The following ARAP2 variants were observed in gnomAD, a reference collection of about 807,000 sequenced individuals.
ARAP2 encodes ArfGAP with RhoGAP domain, ankyrin repeat and PH domain 2.
In ARAP2, 148 loss-of-function variants were observed where a neutral mutation model predicts 194.5. The ratio of observed to expected loss-of-function variants is 0.76; its 90% confidence interval spans 0.67 to 0.87. ARAP2 has a LOEUF of 0.87. Among genes scored for constraint, ARAP2 ranks in the 40% least tolerant of loss-of-function variants. The pLI is 0.00. For synonymous variants in ARAP2, 695 were observed against 683.5 expected (o/e 1.02, Z -0.26); for missense variants, 2,128 against 1,989.7 (o/e 1.07, Z -1.32).
At chr4:36,074,265 G>C (rs1727720433) in intron 31 of ARAP2, among the ~76,000 whole-genome samples, 1 of 152,094 alleles carries the variant, frequency 6.6e-6, no homozygotes, top group Middle Eastern at 3.4e-3. Context: ...AGAAAAATTA[G>C]CCTAACTTTA....
intron 29 of ARAP2, 65 bp from the exon 30 acceptor site, chr4:36,082,351 A>C (rs1729778673): frequency 6.7e-7 from 1 of 1,483,666 alleles, no homozygotes; most frequent in Non-Finnish European, 9.2e-7. Context: ...GACAGAAAAC[A>C]GGATTAGATG....
In ARAP2 at chr4:36,210,631, A is replaced by C; in HGVS notation, c.1246T>G (p.Ser416Ala). 6.2e-7 allele frequency: 1 copy of C among 1,613,908 alleles called. No individual in the cohort carries two copies. The highest frequency in any genetic ancestry group is 8.5e-7 in the Non-Finnish European group (1 of 1,179,870). The change falls in exon 6 of 33, where the codon TCA becomes GCA. Residue 416 changes from serine (S) to alanine (A), a missense_variant. Physicochemically the swap from Ser to Ala is moderately conservative, Grantham distance 99 (BLOSUM62 1). Transcript: ENST00000303965. The part of the protein sequence containing the change: ...LIDTASESEY[S>A]TVEECFQSLR... ...CTCTGAAAGCATTCTTCTACTGTTG[A>C]GTATTCTGATTCAGAAGCAGTGTCT...
chr4:36,094,709 C>G (rs1027453190), intron 27 of ARAP2, among the ~76,000 whole-genome samples: 1 of 152,124 alleles, frequency 6.6e-6, no homozygotes, highest in African/African-American at 2.4e-5. Context: ...GTGAACAACT[C>G]ATAGAATCAC....
intron 5 of ARAP2, among the ~76,000 whole-genome samples, chr4:36,031,130 A>G (rs923669775): frequency 1.3e-5 from 2 of 152,242 alleles, no homozygotes; most frequent in African/African-American, 4.8e-5. Context: ...CTCGTCTCAA[A>G]GAAAAAATAA....
At chr4:36,051,400 C>A (rs922161727) in intron 3 of ARAP2, among the ~76,000 whole-genome samples, 3 of 152,064 alleles carry the variant, frequency 2.0e-5, no homozygotes, top group South Asian at 4.1e-4. Flanking sequence ...TCGCTTGAAC[C>A]CGGGAGGCAG....
chr4:36,022,022 T>C (rs1717036164), intron 5 of ARAP2, among the ~76,000 whole-genome samples: 1 of 152,174 alleles, frequency 6.6e-6, no homozygotes, highest in African/African-American at 2.4e-5. Flanking sequence ...CTGCACTGAA[T>C]AGTGTAGGCA....
chr4:36,178,406 C>T (rs971770912), intron 8 of ARAP2, among the ~76,000 whole-genome samples: 1 of 152,154 alleles, frequency 6.6e-6, no homozygotes, highest in South Asian at 2.1e-4. Context: ...TGCTACCCAA[C>T]AATTAACAGA....
At chr4:36,092,132 C>T (rs936312763) in intron 27 of ARAP2, 112 bp from the exon 28 acceptor site, 14 of 1,236,344 alleles carry the variant, frequency 1.1e-5, no homozygotes, top group African/African-American at 1.1e-4. Flanking sequence ...TGTTTACTAC[C>T]GCTAAAGTCT....
chr4:36,096,026 C>G (rs1454707675), intron 27 of ARAP2, among the ~76,000 whole-genome samples: 1 of 151,954 alleles, frequency 6.6e-6, no homozygotes, highest in African/African-American at 2.4e-5. Context: ...CTTTAAATAT[C>G]CATGCATCAT....
Position 36,228,996 on chromosome 4 carries a change from C to A in ARAP2, c.491G>T (p.Gly164Val). Residue 164 changes from glycine to valine, a missense_variant, in exon 2 of 33, where the codon GGT (glycine) becomes GTT (valine). Transcript: ENST00000303965. ...PTAEEPHLNL[G>V]SLNDSLFGSD... ...ACCAAATAAAGAATCATTCAAAGAA[C>A]CCAAATTCAGGTGTGGTTCCTCTGC... 1.9e-6 allele frequency: 3 copies of A among 1,614,046 alleles called. No individual in the cohort carries two copies. The highest frequency in any genetic ancestry group is 2.5e-6 in the Non-Finnish European group (3 of 1,179,996).
At chr4:36,168,168 G>C (rs908824265) in intron 9 of ARAP2, among the ~76,000 whole-genome samples, 2 of 152,174 alleles carry the variant, frequency 1.3e-5, no homozygotes, top group Non-Finnish European at 2.9e-5. Flanking sequence ...AAGTGGCCAT[G>C]TGTTGTAGTT....
rs1050881826 is a variant in ARAP2 at position 36,150,935 on chromosome 4, C to G, written c.2862G>C (p.Leu954=). The G allele has an allele frequency of 6.2e-7, 1 of 1,612,912 alleles. No individual in the cohort carries two copies. The highest frequency in any genetic ancestry group is 1.3e-5 in the African/African-American group (1 of 74,844). ...AATAGAAGTCCTCTTTGTGTATAGC[C>G]AGGCAGATAACTTCATTGATATTAA... ...GTININEVIC[L]AIHKEDFYLN... Residue 954 remains leucine, a synonymous_variant, in exon 16 of 33, where the codon CTG becomes CTC. Transcript: ENST00000303965.
At chr4:36,204,258 A>G (rs1257946011) in intron 6 of ARAP2, among the ~76,000 whole-genome samples, 1 of 152,242 alleles carries the variant, frequency 6.6e-6, no homozygotes. Flanking sequence ...AGATTTCTCA[A>G]TATTACCTCT....
intron 1 of ARAP2, among the ~76,000 whole-genome samples, chr4:36,238,736 A>C (rs1353047676): frequency 6.6e-6 from 1 of 152,244 alleles, no homozygotes; most frequent in Non-Finnish European, 1.5e-5. Flanking sequence ...AAGGGAGAAC[A>C]TCTTTGTAAT....
chr4:36,136,518 C>A (rs1199115973), intron 19 of ARAP2, among the ~76,000 whole-genome samples: 1 of 151,636 alleles, frequency 6.6e-6, no homozygotes, highest in Non-Finnish European at 1.5e-5. Flanking sequence ...TAGTCTATGA[C>A]AAGAACCAGA....
chr4:36,216,730 GA>G (rs562109033), intron 2 of ARAP2, among the ~76,000 whole-genome samples: 2 of 150,008 alleles, frequency 1.3e-5, no homozygotes, highest in African/African-American at 2.4e-5. Flanking sequence ...CCAGCTGAAA[GA>G]AAAAAAAACT....
At chr4:36,092,803 A>G (rs1010891210) in intron 27 of ARAP2, among the ~76,000 whole-genome samples, 1 of 152,132 alleles carries the variant, frequency 6.6e-6, no homozygotes, top group African/African-American at 2.4e-5. Context: ...TTTCTTTTGA[A>G]CCCCACTGGT....
intron 1 of ARAP2, among the ~76,000 whole-genome samples, chr4:36,236,644 A>G (rs1226381086): frequency 6.6e-6 from 1 of 152,218 alleles, no homozygotes; most frequent in Non-Finnish European, 1.5e-5. Context: ...ACTTTTCAAC[A>G]TTATCAATAC....
intron 19 of ARAP2, among the ~76,000 whole-genome samples, chr4:36,144,126 A>C (rs1325576464): frequency 6.6e-6 from 1 of 151,840 alleles, no homozygotes; most frequent in Non-Finnish European, 1.5e-5. Context: ...ATTTTAATTA[A>C]AACCTATGTA....
Sources: allele counts gnomAD v4.1 joint callset (sites outside exome capture counted in the v4.1 genomes callset), GRCh38; gene constraint gnomAD v4.1.1; transcripts MANE v1.5; gene names NCBI Gene and HGNC (gene_info 2026-07-23, HGNC 2026-07-21).